Variants in IGF1R observed in about 807,000 individuals in gnomAD.
IGF1R encodes the protein insulin-like growth factor 1 receptor.
A neutral mutation model predicts 144.6 loss-of-function variants in IGF1R; 44 were observed. The observed-to-expected ratio is 0.30, with a 90% CI of 0.24 to 0.39. The LOEUF is 0.39. IGF1R is among the 10% of genes least tolerant of loss of function. The pLI is 1.00. For synonymous variants in IGF1R, 795 were observed against 722.8 expected, an observed-to-expected ratio of 1.10 and a Z score of -1.60; for missense variants, 1,355 against 1,833.7, an observed-to-expected ratio of 0.74 and a Z score of 4.77.
intron 1 of IGF1R, among the ~76,000 whole-genome samples, chr15:98,669,991 C>T (rs1323714033): frequency 2.0e-5 from 3 of 152,202 alleles, no homozygotes; most frequent in East Asian, 1.9e-4. Flanking sequence ...TGAGGTAGAT[C>T]GGGGCCCCAG....
At chr15:98,849,057 G>GT (rs1395686006) in intron 2 of IGF1R, among the ~76,000 whole-genome samples, 11 of 151,974 alleles carry the variant, frequency 7.2e-5, no homozygotes, top group Non-Finnish European at 2.9e-5. Flanking sequence ...TTTTCTTTTA[G>GT]TTAGATTCTG....
At chr15:98,874,815 C>T (rs1057213126) in intron 2 of IGF1R, among the ~76,000 whole-genome samples, 5 of 152,190 alleles carry the variant, frequency 3.3e-5, no homozygotes, top group Non-Finnish European at 7.3e-5. Flanking sequence ...GGTGGGGAGT[C>T]GGCCCTCCTT....
At chr15:98,666,129 T>G (rs2052731653) in intron 1 of IGF1R, among the ~76,000 whole-genome samples, 1 of 152,178 alleles carries the variant, frequency 6.6e-6, no homozygotes, top group Admixed American at 6.5e-5. Context: ...ATGTTGAAAG[T>G]CACTAGTCAT....
chr15:98,838,901 G>T (rs1041828031), intron 2 of IGF1R, among the ~76,000 whole-genome samples: 29 of 152,212 alleles, frequency 1.9e-4, no homozygotes, highest in African/African-American at 7.0e-4. Context: ...AGTGGGAGAC[G>T]TGGGGATCCT....
chr15:98,901,950 G>T (rs1455659714), intron 5 of IGF1R, among the ~76,000 whole-genome samples: 1 of 152,210 alleles, frequency 6.6e-6, no homozygotes, highest in African/African-American at 2.4e-5. Flanking sequence ...TTGCACGCAG[G>T]TATAAAGGGT....
At chr15:98,941,335 C>T (rs573253285) in intron 18 of IGF1R, among the ~76,000 whole-genome samples, 154 of 152,334 alleles carry the variant, frequency 1.0e-3, no homozygotes, top group African/African-American at 3.3e-3. Context: ...CTCAGTTTCT[C>T]CCCACTGCGC....
At chr15:98,930,367 AG>A in intron 15 of IGF1R, 62 bp downstream of exon 15, 1 of 1,195,426 alleles carries the variant, frequency 8.4e-7, no homozygotes, top group Non-Finnish European at 1.2e-6. Context: ...AGCTTTCAGG[AG>A]GGTTGCTAAT....
At chr15:98,953,821 T>C (rs553898636) in intron 20 of IGF1R, among the ~76,000 whole-genome samples, 1 of 152,294 alleles carries the variant, frequency 6.6e-6, no homozygotes, top group South Asian at 2.1e-4. Flanking sequence ...GTTTTTCCCA[T>C]CGCTGGAATC....
chr15:98,862,332 G>T (rs142453335), intron 2 of IGF1R, among the ~76,000 whole-genome samples: 4 of 152,178 alleles, frequency 2.6e-5, no homozygotes, highest in African/African-American at 7.2e-5. Context: ...ATTTTCTGTC[G>T]TGCATTTTGT....
Position 98,754,246 on chromosome 15 carries a change from GT to G in IGF1R, c.640+46140del, listed in dbSNP as rs2055092789. On this transcript the variant is annotated intron_variant, in intron 2 of 20. Coordinates refer to ENST00000650285, the MANE Select transcript of IGF1R (RefSeq NM_000875.5). ...TCCAGGGAGCTAGGCTGCAGTATCT[GT>G]GGCTCTCCCTGATGTTTTCTTTCTG... 2.0e-5 allele frequency among the ~76,000 whole-genome samples: 3 copies of G among 152,136 alleles called. No individual in the cohort carries two copies. The South Asian group carries it at 6.2e-4, about 32-fold the overall frequency.
intron 2 of IGF1R, among the ~76,000 whole-genome samples, chr15:98,792,592 G>T (rs1181168507): frequency 6.6e-6 from 1 of 152,106 alleles, no homozygotes; most frequent in Non-Finnish European, 1.5e-5. Flanking sequence ...GATGATTATG[G>T]CTGGCCCAAA....
rs775906034 is a variant in IGF1R at position 98,930,301 on chromosome 15, T to C, written c.2952T>C (p.Ala984=). ...TGAACCCGGAGTACTTCAGCGCTGC[T>C]GATGGTAAGAGTCCGGGCCACCAGC... The part of the protein sequence containing the change: ...ASVNPEYFSA[A]DVYVPDEWEV... The change falls in exon 15 of 21, where the codon GCT becomes GCC. Residue 984 remains alanine (A), a synonymous_variant. Transcript: ENST00000650285. The C allele has an allele frequency of 2.5e-6, 4 of 1,611,006 alleles. No individual in the cohort carries two copies. The South Asian group carries it at 4.4e-5, about 18-fold the overall frequency.
chr15:98,878,613 AAT>A (rs1165077741), intron 2 of IGF1R, among the ~76,000 whole-genome samples: 1 of 146,744 alleles, frequency 6.8e-6, no homozygotes, highest in Non-Finnish European at 1.5e-5. Flanking sequence ...AGAGTTGCAA[AAT>A]AGTCACCCAT....
At chr15:98,916,266 T>TTTG (rs1369295651) in intron 9 of IGF1R, 135 bp downstream of exon 9, 1 of 865,808 alleles carries the variant, frequency 1.2e-6, no homozygotes, top group African/African-American at 1.7e-5. Context: ...TTCTGGTTTT[T>TTTG]TTTTTTTTTT....
chr15:98,891,741 A>T lies in IGF1R; in HGVS notation c.953+104A>T, dbSNP rs1243784853. The T allele has an allele frequency of 8.5e-7, 1 of 1,177,334 alleles. No homozygotes were observed. The highest frequency in any genetic ancestry group is 1.2e-6 in the Non-Finnish European group (1 of 821,072). The allele number at this position is 1,177,334 out of a possible 1,614,324, so 72.9% of individuals were successfully genotyped here. On this transcript the variant is annotated intron_variant, in intron 3 of 20. Transcript: ENST00000650285. This position sits in a 1 kb window ranked among gnomAD's most constrained non-coding sequence, Gnocchi z 4.7. ...GTTGTTTCATCCGGGTGCAGCCCTC[A>T]GGAAGTTCACTGAGGTGGGTCATTT...
At chr15:98,887,334 T>C (rs983669253) in intron 2 of IGF1R, among the ~76,000 whole-genome samples, 17 of 152,188 alleles carry the variant, frequency 1.1e-4, no homozygotes, top group African/African-American at 4.1e-4. Flanking sequence ...TTTTTTTCTT[T>C]TCTTTCTCAT....
At chr15:98,845,410 TCCTCCC>T (rs1319227277) in intron 2 of IGF1R, among the ~76,000 whole-genome samples, 15 of 60,376 alleles carry the variant, frequency 2.5e-4, no homozygotes, top group African/African-American at 1.0e-3. Context: ...GCCTCCCTCC[TCCTCCC>T]CCTCCCTCTT....
chr15:98,817,518 G>T (rs2056720995), intron 2 of IGF1R, among the ~76,000 whole-genome samples: 1 of 151,992 alleles, frequency 6.6e-6, no homozygotes, highest in South Asian at 2.1e-4. Context: ...TGAGGCCTCT[G>T]TGAAAAGGTG....
At chr15:98,809,110 G>A (rs936225571) in intron 2 of IGF1R, among the ~76,000 whole-genome samples, 4 of 152,206 alleles carry the variant, frequency 2.6e-5, no homozygotes, top group Non-Finnish European at 5.9e-5. Context: ...AGAAAACCCT[G>A]ACGAGGTCTA....
Sources: allele counts gnomAD v4.1 joint callset (sites outside exome capture counted in the v4.1 genomes callset), GRCh38; gene constraint gnomAD v4.1.1; non-coding constraint Gnocchi (gnomAD v3.1); transcripts MANE v1.5; gene names NCBI Gene and HGNC (gene_info 2026-07-23, HGNC 2026-07-21).